COL22A1: variants seen among roughly 807,000 people sequenced by gnomAD.
COL22A1 encodes the protein collagen alpha-1(XXII) chain.
Under a neutral mutation model 248.9 loss-of-function variants are expected in COL22A1, and 221 were observed. The ratio of observed to expected loss-of-function variants is 0.89; its 90% confidence interval spans 0.80 to 0.99. The LOEUF (loss-of-function observed/expected upper bound fraction) is 0.99, where lower values mean the gene tolerates loss of function less well. Ranked by LOEUF, COL22A1 falls within the 50% of genes least tolerant of loss-of-function variation. COL22A1 has a pLI of 0.00. For synonymous variants in COL22A1, 891 were observed against 793.4 expected, an observed-to-expected ratio of 1.12 and a Z score of -2.07; for missense variants, 2,240 against 2,179.0, an observed-to-expected ratio of 1.03 and a Z score of -0.56.
intron 54 of COL22A1, among the ~76,000 whole-genome samples, chr8:138,616,373 C>T (rs1347036013): frequency 1.3e-5 from 2 of 152,240 alleles, no homozygotes; most frequent in Non-Finnish European, 2.9e-5. Flanking sequence ...TTGACCCTCT[C>T]TACACCTGTG....
intron 1 of COL22A1, among the ~76,000 whole-genome samples, chr8:138,885,773 G>A (rs1202332043): frequency 6.6e-6 from 1 of 152,068 alleles, no homozygotes; most frequent in Non-Finnish European, 1.5e-5. Flanking sequence ...ATGTTGGTGA[G>A]GCTGGTTTCG....
chr8:138,883,315 T>C, intron 1 of COL22A1, 71 bp from the exon 2 acceptor site: 1 of 762,808 alleles, frequency 1.3e-6, no homozygotes, highest in Non-Finnish European at 2.1e-6. Context: ...CTCTGGGCCC[T>C]GCCCAGGGGG....
intron 35 of COL22A1, among the ~76,000 whole-genome samples, chr8:138,691,427 G>A (rs1587872230): frequency 6.6e-6 from 1 of 151,908 alleles, no homozygotes; most frequent in African/African-American, 2.4e-5. Context: ...GTCCATGTGT[G>A]CACGTTTGTG....
chr8:138,693,617 C>G (rs371087718), intron 35 of COL22A1, 29 bp downstream of exon 35: 21 of 1,566,224 alleles, frequency 1.3e-5, no homozygotes, highest in Admixed American at 5.6e-5. Flanking sequence ...GGGGCTCCCC[C>G]ACGAGGCAGG....
chr8:138,723,182 A>C (rs1205798924), intron 25 of COL22A1, among the ~76,000 whole-genome samples: 3 of 152,170 alleles, frequency 2.0e-5, no homozygotes, highest in South Asian at 2.1e-4. Flanking sequence ...GTGCTGTTCA[A>C]AAGTGAACGT....
intron 22 of COL22A1, among the ~76,000 whole-genome samples, chr8:138,738,303 T>C (rs1831281890): frequency 6.6e-6 from 1 of 152,134 alleles, no homozygotes; most frequent in Non-Finnish European, 1.5e-5. Context: ...CCTGAGGCCA[T>C]CTCCTTAAAT....
intron 11 of COL22A1, among the ~76,000 whole-genome samples, chr8:138,800,157 G>C (rs1352862117): frequency 2.0e-5 from 3 of 152,176 alleles, no homozygotes; most frequent in African/African-American, 7.2e-5. Flanking sequence ...CCCTGGCTGG[G>C]AAGGAGCAGT....
At chr8:138,869,793 C>T (rs923232360) in intron 3 of COL22A1, among the ~76,000 whole-genome samples, 1 of 152,230 alleles carries the variant, frequency 6.6e-6, no homozygotes, top group Non-Finnish European at 1.5e-5. Context: ...GTCCCAAGTG[C>T]CAGGCCACAG....
chr8:138,720,810 C>G lies in COL22A1; in HGVS notation c.2302-18G>C. 1 of 1,604,170 alleles carries G rather than the reference C, an allele frequency of 6.2e-7. No homozygotes were observed. Among genetic ancestry groups the G allele is most frequent in the Non-Finnish European group, 8.5e-7 (1 of 1,171,636 alleles). On this transcript the variant is annotated intron_variant, in intron 26 of 64. Transcript: ENST00000303045. Reference sequence around the variant, plus strand: ...GGTTCTCCCTGGAAGGAATACAGAGCAAAGTTAACAGGAGACGGGCCATGC... The same window carrying G: ...GGTTCTCCCTGGAAGGAATACAGAGGAAAGTTAACAGGAGACGGGCCATGC...
At chr8:138,668,335 A>G (rs1824688110) in intron 41 of COL22A1, among the ~76,000 whole-genome samples, 1 of 152,050 alleles carries the variant, frequency 6.6e-6, no homozygotes, top group Non-Finnish European at 1.5e-5. Context: ...ATGGGTGTTT[A>G]TTTTACTATT....
chr8:138,910,626 A>G (rs1446042778), intron 1 of COL22A1, among the ~76,000 whole-genome samples: 2 of 151,954 alleles, frequency 1.3e-5, no homozygotes, highest in Non-Finnish European at 2.9e-5. Flanking sequence ...TGAATTCTTG[A>G]ATAGGGGATT....
Position 138,620,941 on chromosome 8 carries a change from G to GCATC in COL22A1, c.3772-1437_3772-1434dup, listed in dbSNP as rs754305152. 3.5e-3 allele frequency among the ~76,000 whole-genome samples: 449 copies of GCATC among 126,820 alleles called. 2 individuals carry two copies. The highest frequency in any genetic ancestry group is 0.018 in the South Asian group (61 of 3,358). The allele number at this position is 126,820 out of a possible 152,430, so 83.2% of individuals were successfully genotyped here. On this transcript the variant is annotated intron_variant, in intron 52 of 64. Coordinates refer to ENST00000303045, the MANE Select transcript of COL22A1 (RefSeq NM_152888.3). ...TCCATCCATCCATTCAACCAACCAAGCATCCATCCATCCATCCATCCATCC... is the reference window on the plus strand; with the variant it reads ...TCCATCCATCCATTCAACCAACCAAGCATCCATCCATCCATCCATCCATCCATCC...
chr8:138,606,667 T>C (rs901538643), intron 57 of COL22A1, among the ~76,000 whole-genome samples: 2 of 152,126 alleles, frequency 1.3e-5, no homozygotes, highest in African/African-American at 4.8e-5. Context: ...GAGGTCTCCC[T>C]GTAAACAGCC....
chr8:138,799,652 T>G (rs1037896698), intron 11 of COL22A1, among the ~76,000 whole-genome samples: 5 of 152,210 alleles, frequency 3.3e-5, no homozygotes, highest in African/African-American at 4.8e-5. Context: ...CTTTCTTGAT[T>G]TCTCGGTCAA....
At chr8:138,806,016 G>GT (rs1186181524) in intron 10 of COL22A1, among the ~76,000 whole-genome samples, 58 of 28,624 alleles carry the variant, frequency 2.0e-3, no homozygotes, top group Non-Finnish European at 2.7e-3. Context: ...GACGGTGTAG[G>GT]TAATGGTGTG....
In COL22A1 at chr8:138,806,075, A is replaced by ATGGTGTGTGTGTGGTGTGTGTG. The variant is rs1563788270; in HGVS notation, c.1494+1692_1494+1693insCACACACACCACACACACACCA. ...GTAATGGTGTGTGGTGGTGTGTGTG[A>ATGGTGTGTGTGTGGTGTGTGTG]TGGTGTGTGTAATGGTGTGTGATGG... On this transcript the variant is annotated intron_variant, in intron 10 of 64. Transcript: ENST00000303045. Among the ~76,000 whole-genome samples, 91 of 37,322 alleles carry ATGGTGTGTGTGTGGTGTGTGTG rather than the reference A, an allele frequency of 2.4e-3. 9 individuals are homozygous for ATGGTGTGTGTGTGGTGTGTGTG. Among genetic ancestry groups the ATGGTGTGTGTGTGGTGTGTGTG allele is most frequent in the African/African-American group, 4.4e-3 (25 of 5,640 alleles). 24.5% of individuals were successfully genotyped at this position (37,322 alleles called of 152,430 possible). A position where few individuals can be genotyped will look rare whatever the true frequency, so the allele number is the denominator to read the frequency against.
rs964693474 is a variant in COL22A1 at position 138,807,626 on chromosome 8, C to T, written c.1494+142G>A. The T allele has an allele frequency of 3.5e-5, 26 of 733,444 alleles. No homozygotes were observed. In the African/African-American group the frequency reaches 4.1e-4, roughly 12 times the overall value. 45.4% of individuals were successfully genotyped at this position (733,444 alleles called of 1,614,324 possible). A position where few individuals can be genotyped will look rare whatever the true frequency, so the allele number is the denominator to read the frequency against. ...AGGATTTCAGACTTTATGACATTTG[C>T]TCTTATCCATCTAATTTAACAAGCT... On this transcript the variant is annotated intron_variant, in intron 10 of 64. Coordinates refer to ENST00000303045, the MANE Select transcript of COL22A1 (RefSeq NM_152888.3).
Position 138,809,528 on chromosome 8 carries a change from C to CTTTTTCTTTTTTTTTTTT in COL22A1, c.1450-1717_1450-1716insAAAAAAAAAAAAGAAAAA, listed in dbSNP as rs1554633655. On this transcript the variant is annotated intron_variant, in intron 9 of 64. Transcript: ENST00000303045. ...TTTCTTCTTCTCTTTTTTTCTTTTT[C>CTTTTTCTTTTTTTTTTTT]TTTTTTTTTTGAGACAGAGTCTCAC... is the stretch of plus-strand genomic sequence containing the variant. 2.3e-4 allele frequency among the ~76,000 whole-genome samples: 27 copies of CTTTTTCTTTTTTTTTTTT among 117,612 alleles called. 1 individual carries two copies. The highest frequency in any genetic ancestry group is 3.5e-4 in the Non-Finnish European group (20 of 56,560). The allele number at this position is 117,612 out of a possible 152,430, so 77.2% of individuals were successfully genotyped here. A position where few individuals can be genotyped will look rare whatever the true frequency, so the allele number is the denominator to read the frequency against.
At chr8:138,705,454 A>G (rs1828347701) in intron 30 of COL22A1, among the ~76,000 whole-genome samples, 1 of 152,236 alleles carries the variant, frequency 6.6e-6, no homozygotes, top group Non-Finnish European at 1.5e-5. Flanking sequence ...TCTACAAGCC[A>G]GAAGAGAGTA....
Sources: gnomAD v4.1 joint callset for allele counts (sites outside exome capture counted in the v4.1 genomes callset) on GRCh38, gnomAD v4.1.1 for gene constraint, MANE v1.5 for transcripts, NCBI Gene and HGNC (gene_info 2026-07-23, HGNC 2026-07-21) for gene names.